TRIM37: variants seen among roughly 807,000 people sequenced by gnomAD.
TRIM37 encodes the protein E3 ubiquitin-protein ligase TRIM37.
Under a neutral mutation model 129.8 loss-of-function variants are expected in TRIM37, and 80 were observed. The observed-to-expected ratio is 0.62, with a 90% confidence interval of 0.51 to 0.74. The LOEUF (loss-of-function observed/expected upper bound fraction) is 0.74. TRIM37 is among the 30% of genes least tolerant of loss of function. TRIM37 has a pLI of 0.00. For synonymous variants in TRIM37, 389 were observed against 387.1 expected (o/e 1.00, Z -0.06); for missense variants, 1,054 against 1,176.5 (o/e 0.90, Z 1.52).
At chr17:58,996,969 C>T (rs1382541327), downstream of TRIM37, among the ~76,000 whole-genome samples, 1 of 151,954 alleles carries the variant, frequency 6.6e-6, no homozygotes, top group Non-Finnish European at 1.5e-5. Context: ...AATAAAATAA[C>T]ACATCCTCTT....
rs765252279 is a variant in TRIM37 at position 59,001,605 on chromosome 17, C to G, written c.2805G>C (p.Pro935=). Residue 935 remains proline, a synonymous_variant, in exon 23 of 24, where the codon CCG becomes CCC. Transcript: ENST00000262294. ...TGACATCATGTGCTGCACCTTCATC[C>G]GGGGGCTGTGTCATGACCATGAAGG... ...HDSFMVMTQP[P]DEDTHSSFPD... 1.9e-6 allele frequency: 3 copies of G among 1,613,972 alleles called. No individual in the cohort carries two copies. Among genetic ancestry groups the G allele is most frequent in the Admixed American group, 1.7e-5 (1 of 59,970 alleles).
rs762943053 is a variant in TRIM37 at position 59,056,921 on chromosome 17, C to A, written c.1153G>T (p.Ala385Ser). 8 of 1,613,506 alleles carry A rather than the reference C, an allele frequency of 5.0e-6. No homozygotes were observed. In the African/African-American group the frequency reaches 1.1e-4, roughly 22 times the overall value. Residue 385 changes from alanine to serine, a missense_variant, in exon 13 of 24, where the codon GCA becomes TCA. Physicochemically the swap from Ala to Ser is moderately conservative, Grantham distance 99 (BLOSUM62 1). Around this residue, in one of 3 missense-constraint regions of TRIM37, gnomAD observed 752 missense variants for 870.8 expected, o/e 0.86. Transcript: ENST00000262294. Reference protein sequence around the residue: ...YNRFFRLDLLANEGYLNPQND... With the variant: ...YNRFFRLDLLSNEGYLNPQND... ...TGTGGATTCAAGTATCCTTCATTTG[C>A]GAGTAAGTCCAAACGGAAAAATCTA...
At chr17:59,003,277 A>AG (rs919958946) in intron 22 of TRIM37, among the ~76,000 whole-genome samples, 18 of 152,190 alleles carry the variant, frequency 1.2e-4, no homozygotes, top group African/African-American at 4.3e-4. Flanking sequence ...GGCTCTGAAG[A>AG]GGGGGAAAAA....
At chr17:59,045,291 T>C (rs1323982973) in intron 16 of TRIM37, among the ~76,000 whole-genome samples, 1 of 150,404 alleles carries the variant, frequency 6.6e-6, no homozygotes, top group Non-Finnish European at 1.5e-5. Context: ...ATTGCGCCAC[T>C]GCACTCCAGC....
At chr17:58,967,836 GCT>G in the TRIM37 span, among the ~76,000 whole-genome samples, 53 of 147,136 alleles carry the variant, frequency 3.6e-4, 4 homozygotes, top group East Asian at 0.011. Context: ...AGTCTCGCTC[GCT>G]CTGTCTCCAG....
rs142524969 is a variant in TRIM37, at chr17:59,053,315, A to G, written c.1200-1987T>C. Among the ~76,000 whole-genome samples, 76 of 152,370 alleles carry G rather than the reference A, an allele frequency of 5.0e-4. 1 individual carries two copies. In the East Asian group the frequency reaches 0.014, roughly 29 times the overall value. On this transcript the variant is annotated intron_variant, in intron 13 of 23. Coordinates refer to ENST00000262294, the MANE Select transcript of TRIM37 (RefSeq NM_015294.6). ...TAATAAATACATACAAAATTCCACC[A>G]GAATCTTGAAATAAAAGGTTTAAAG...
chr17:59,080,462 G>A (rs2043160047), intron 6 of TRIM37, among the ~76,000 whole-genome samples: 1 of 152,122 alleles, frequency 6.6e-6, no homozygotes, highest in African/African-American at 2.4e-5. Context: ...ATAACTTAAT[G>A]AATGACTGTA....
At chr17:59,056,654 C>T (rs554814982) in intron 13 of TRIM37, among the ~76,000 whole-genome samples, 9 of 122,980 alleles carry the variant, frequency 7.3e-5, no homozygotes, top group East Asian at 5.6e-4. Context: ...GGCGTGAACC[C>T]GGGAGGCGGA....
At chr17:59,073,082 TTGAA>T (rs1465779569) in intron 8 of TRIM37, 1 of 152,216 alleles carries the variant, frequency 6.6e-6, no homozygotes, top group Non-Finnish European at 1.5e-5. Flanking sequence ...CTTATATTAA[TTGAA>T]TGCTTACTGT....
chr17:59,001,692 A>G lies in TRIM37; in HGVS notation c.2718T>C (p.Ile906=), dbSNP rs141167278. The G allele has an allele frequency of 1.2e-6, 2 of 1,614,006 alleles. No individual in the cohort carries two copies. The highest frequency in any genetic ancestry group is 2.2e-5 in the East Asian group (1 of 44,880). The change falls in exon 23 of 24, where the codon ATT becomes ATC. Residue 906 remains isoleucine (I), a synonymous_variant. Coordinates refer to ENST00000262294, the MANE Select transcript of TRIM37 (RefSeq NM_015294.6). ...PEEGMSSDSD[I]ECDTENEEQE... ...GCTCCTCATTCTCAGTGTCACATTC[A>G]ATGTCACTGTCGCTACTCATTCCTG... is the stretch of plus-strand genomic sequence containing the variant.
chr17:59,102,376 C>T (rs1207629312), intron 2 of TRIM37, among the ~76,000 whole-genome samples: 1 of 152,160 alleles, frequency 6.6e-6, no homozygotes, highest in African/African-American at 2.4e-5. Context: ...AAAAGAAATG[C>T]GCCCAGATCC....
intron 2 of TRIM37, among the ~76,000 whole-genome samples, chr17:59,091,983 T>G (rs1418147922): frequency 2.6e-5 from 4 of 151,874 alleles, no homozygotes; most frequent in Admixed American, 2.6e-4. Flanking sequence ...ATTTATTTTT[T>G]GAAAAGCTAA....
intron 13 of TRIM37, among the ~76,000 whole-genome samples, chr17:59,051,753 C>T (rs1037944794): frequency 6.7e-6 from 1 of 149,934 alleles, no homozygotes; most frequent in African/African-American, 2.5e-5. Context: ...TTTTTTGAGA[C>T]GGAGTCTCGC....
chr17:59,047,923 C>T, intron 15 of TRIM37, 104 bp from the exon 16 acceptor site: 2 of 1,411,416 alleles, frequency 1.4e-6, no homozygotes, highest in East Asian at 2.3e-5. Flanking sequence ...ATACAGTTTT[C>T]AAAAATCTAT....
chr17:59,017,542 A>G (rs934824009), intron 19 of TRIM37, 118 bp from the exon 20 acceptor site: 1 of 1,362,372 alleles, frequency 7.3e-7, no homozygotes. Flanking sequence ...TCTACTGTCT[A>G]AAAATAAACA....
Position 59,032,040 on chromosome 17 carries a change from G to T in TRIM37, c.1804C>A (p.His602Asn). ...CTACTGGTAGCAGCGGAGCATAAAT[G>T]TGTTCTTCTTGATATTCTACTACTG... ...GSSSRISRRTHLCSAATSSLL... is the reference protein window; with the variant it reads ...GSSSRISRRTNLCSAATSSLL... The change falls in exon 18 of 24, where the codon CAT becomes AAT. Residue 602 changes from histidine to asparagine, a missense_variant. Physicochemically the swap from His to Asn is moderately conservative, Grantham distance 68. This residue lies in a region of TRIM37 where 752 missense variants were observed against 870.8 expected (regional missense o/e 0.86). Transcript: ENST00000262294. 6.2e-7 allele frequency: 1 copy of T among 1,614,116 alleles called. No homozygotes were observed. Among genetic ancestry groups the T allele is most frequent in the South Asian group, 1.1e-5 (1 of 91,074 alleles).
rs998104777 is a variant in TRIM37, at chr17:59,094,154, A to G, written c.124-2814T>C. ...AGTGATCTGCCCGCCTGGGCCTCCC[A>G]AAGTGCTGGGATTACAGGCATACAG... On this transcript the variant is annotated intron_variant, in intron 2 of 23. Transcript: ENST00000262294. 5.9e-5 allele frequency among the ~76,000 whole-genome samples: 9 copies of G among 152,272 alleles called. No individual in the cohort carries two copies. In the East Asian group the frequency reaches 1.2e-3, roughly 20 times the overall value.
At position 59,049,354 on chromosome 17, in the gene TRIM37, C is replaced by G. The variant is rs751210780; in HGVS notation, c.1354G>C (p.Asp452His). Residue 452 changes from aspartate to histidine, a missense_variant, in exon 15 of 24, where the codon GAT (aspartate) becomes CAT (histidine). Physicochemically the swap from Asp to His is moderately conservative, Grantham distance 81. This residue lies in a region of TRIM37 where 752 missense variants were observed against 870.8 expected (regional missense o/e 0.86). Coordinates refer to ENST00000262294, the MANE Select transcript of TRIM37 (RefSeq NM_015294.6). Reference sequence around the variant, plus strand: ...AGATGGTTATCTGGTGGTGACAAATCTCTTGACTTCTGAGTTCGAGACAGC... The same window carrying G: ...AGATGGTTATCTGGTGGTGACAAATGTCTTGACTTCTGAGTTCGAGACAGC... ...IELSRTQKSR[D>H]LSPPDNHLSP... 1 of 1,614,104 alleles carries G rather than the reference C, an allele frequency of 6.2e-7. No homozygotes were observed. Among genetic ancestry groups the G allele is most frequent in the East Asian group, 2.2e-5 (1 of 44,878 alleles).
At chr17:59,091,569 A>T (rs1179005806) in intron 2 of TRIM37, among the ~76,000 whole-genome samples, 5 of 3,406 alleles carry the variant, frequency 1.5e-3, no homozygotes, top group Admixed American at 0.013. Context: ...TATATATATA[A>T]TATATATAAT....
Sources: gnomAD v4.1 joint callset for allele counts (sites outside exome capture counted in the v4.1 genomes callset) on GRCh38, gnomAD v4.1.1 for gene constraint, gnomAD v4.1.1 regional missense constraint, MANE v1.5 for transcripts, NCBI Gene and HGNC (gene_info 2026-07-23, HGNC 2026-07-21) for gene names.